The following PERP variants were observed in gnomAD, a reference collection of about 807,000 sequenced individuals.
The protein encoded by PERP is p53 apoptosis effector related to PMP22, also known as p53 apoptosis effector related to PMP-22.
A neutral mutation model predicts 20.3 loss-of-function variants in PERP; 11 were observed. That is an observed-to-expected ratio of 0.54 (90% CI 0.34 to 0.90). PERP has a LOEUF of 0.90. PERP is among the 40% of genes least tolerant of loss of function. PERP has a pLI of 0.02. For synonymous variants in PERP, 101 were observed against 102.0 expected (o/e 0.99, Z 0.06); for missense variants, 224 against 249.4 (o/e 0.90, Z 0.69).
intron 1 of PERP, 122 bp from the exon 2 acceptor site, chr6:138,096,616 C>T: frequency 9.0e-7 from 1 of 1,113,364 alleles, no homozygotes; most frequent in Admixed American, 3.0e-5. Flanking sequence ...GATGGAGGGA[C>T]AGTTTTTCTT....
intron 1 of PERP, among the ~76,000 whole-genome samples, chr6:138,097,461 AT>A (rs1365007490): frequency 2.0e-5 from 3 of 151,926 alleles, no homozygotes; most frequent in African/African-American, 4.8e-5. Context: ...TTCCCAGGTT[AT>A]TTTTTATTTT....
At chr6:138,099,860 T>C (rs979180461) in intron 1 of PERP, among the ~76,000 whole-genome samples, 4 of 152,238 alleles carry the variant, frequency 2.6e-5, no homozygotes, top group African/African-American at 9.6e-5. Context: ...ACTTTTCCCA[T>C]GCTATCTTAA....
Position 138,092,005 on chromosome 6 carries a change from T to C in PERP, c.*37A>G, listed in dbSNP as rs1285740160. On this transcript the variant is annotated 3_prime_UTR_variant, in exon 3 of 3. Transcript: ENST00000421351. Reference sequence around the variant, plus strand: ...ACAGTTTCTTCTTCTGGAGTCCATCTCAGCAGCAGCGATTTTCTCCCACAT... The same window carrying C: ...ACAGTTTCTTCTTCTGGAGTCCATCCCAGCAGCAGCGATTTTCTCCCACAT... 5 of 1,584,878 alleles carry C rather than the reference T, an allele frequency of 3.2e-6. No homozygotes were observed.
intron 2 of PERP, 23 bp downstream of exon 2, chr6:138,096,331 G>A: frequency 6.2e-7 from 1 of 1,612,518 alleles, no homozygotes; most frequent in Non-Finnish European, 8.5e-7. Context: ...CATAAATGAA[G>A]AATTGCTGAC....
At chr6:138,098,986 T>C (rs1775735956) in intron 1 of PERP, among the ~76,000 whole-genome samples, 1 of 152,246 alleles carries the variant, frequency 6.6e-6, no homozygotes, top group African/African-American at 2.4e-5. Flanking sequence ...TCTCTTTTTC[T>C]CACTTTTGCC....
At chr6:138,104,288 A>C (rs1163764101) in intron 1 of PERP, among the ~76,000 whole-genome samples, 2 of 152,212 alleles carry the variant, frequency 1.3e-5, no homozygotes, top group Non-Finnish European at 2.9e-5. Context: ...TGACAAATAT[A>C]AACCATGATT....
chr6:138,106,696 C>T (rs73774637), intron 1 of PERP, among the ~76,000 whole-genome samples: 1,545 of 152,144 alleles, frequency 0.01, 31 homozygotes, highest in African/African-American at 0.035. Context: ...TTGAACGAAT[C>T]CACTGATATT....
At chr6:138,104,310 C>T (rs1462965297) in intron 1 of PERP, among the ~76,000 whole-genome samples, 3 of 152,010 alleles carry the variant, frequency 2.0e-5, no homozygotes, top group African/African-American at 7.3e-5. Flanking sequence ...TTAAAAAATT[C>T]AAATAAGAAT....
chr6:138,090,361 T>C lies in PERP; in HGVS notation c.*1681A>G, dbSNP rs1775558283. The C allele has an allele frequency of 6.6e-6, 1 of 151,664 alleles. No homozygotes were observed. The highest frequency in any genetic ancestry group is 2.4e-5 in the African/African-American group (1 of 41,218). The allele number at this position is 151,664 out of a possible 1,614,324, so 9.4% of individuals were successfully genotyped here. On this transcript the variant is annotated 3_prime_UTR_variant, in exon 3 of 3. Transcript: ENST00000421351. ...TTATGGTGGGAAAAAAAATAACAAA[T>C]GATAAAATGGGAAGGAGGGCAAGGG...
chr6:138,098,248 C>T (rs561372539), intron 1 of PERP, among the ~76,000 whole-genome samples: 136 of 152,262 alleles, frequency 8.9e-4, no homozygotes, highest in African/African-American at 2.6e-3. Context: ...TACTCTGTGA[C>T]GCAGCACAGC....
intron 1 of PERP, among the ~76,000 whole-genome samples, chr6:138,104,024 CCT>C (rs1395349335): frequency 1.3e-5 from 2 of 152,192 alleles, no homozygotes; most frequent in African/African-American, 4.8e-5. Context: ...TCACTGACTC[CCT>C]GTTTCACTCT....
intron 1 of PERP, 143 bp downstream of exon 1, chr6:138,106,984 A>T: frequency 3.0e-6 from 2 of 660,390 alleles, no homozygotes; most frequent in Non-Finnish European, 4.5e-6. Context: ...CGGATGCATG[A>T]GCCCGAGCTC....
intron 2 of PERP, among the ~76,000 whole-genome samples, chr6:138,095,588 C>T (rs930114842): frequency 1.3e-5 from 2 of 152,180 alleles, no homozygotes; most frequent in South Asian, 2.1e-4. Flanking sequence ...CCTGAGGCCT[C>T]GCTTTGCCGC....
chr6:138,105,579 A>C (rs1775829229), intron 1 of PERP, among the ~76,000 whole-genome samples: 1 of 152,246 alleles, frequency 6.6e-6, no homozygotes, highest in African/African-American at 2.4e-5. Context: ...ATGTCCCGTC[A>C]GTAGCACTGA....
intron 1 of PERP, among the ~76,000 whole-genome samples, chr6:138,098,083 TC>T (rs1344195387): frequency 6.6e-6 from 1 of 152,238 alleles, no homozygotes; most frequent in Non-Finnish European, 1.5e-5. Flanking sequence ...AATACTTCAT[TC>T]TTTTTGTGGC....
intron 1 of PERP, among the ~76,000 whole-genome samples, chr6:138,100,670 G>T (rs1319213103): frequency 6.6e-6 from 1 of 152,012 alleles, no homozygotes; most frequent in Non-Finnish European, 1.5e-5. Flanking sequence ...GTAAATAGAT[G>T]CTGCGTTTCT....
chr6:138,096,164 G>A (rs4896313), intron 2 of PERP, among the ~76,000 whole-genome samples, 190 bp downstream of exon 2: 26,451 of 152,124 alleles, frequency 0.17, 3,583 homozygotes, highest in East Asian at 0.69. Flanking sequence ...AGAACACTGC[G>A]TGAGCCACAA....
At chr6:138,106,252 C>T (rs1385899162) in intron 1 of PERP, among the ~76,000 whole-genome samples, 1 of 152,160 alleles carries the variant, frequency 6.6e-6, no homozygotes, top group Admixed American at 6.5e-5. Context: ...CATTGCTAAT[C>T]ACAGTAGACC....
rs750602638 is a variant in PERP at position 138,107,133 on chromosome 6, C to T, written c.208G>A (p.Glu70Lys). 6.2e-7 allele frequency: 1 copy of T among 1,606,948 alleles called. No individual in the cohort carries two copies. Among genetic ancestry groups the T allele is most frequent in the South Asian group, 1.1e-5 (1 of 90,578 alleles). Reference sequence around the variant, plus strand: ...GGCGGCGGCGGGCACTCACCGTACTCCATGAGGCTCTGACAGCCCTCCTCG... The same window carrying T: ...GGCGGCGGCGGGCACTCACCGTACTTCATGAGGCTCTGACAGCCCTCCTCG... ...SYEEGCQSLM[E>K]YAWGRAAAAM... Residue 70 changes from glutamate to lysine, a missense_variant, in exon 1 of 3, where the codon GAG becomes AAG. Glu to Lys is a moderately conservative substitution (Grantham distance 56). Transcript: ENST00000421351. The surrounding 1 kb of genome is among the most constrained non-coding windows in gnomAD (Gnocchi z 4.8).
Sources: gnomAD v4.1 joint callset for allele counts (sites outside exome capture counted in the v4.1 genomes callset) on GRCh38, gnomAD v4.1.1 for gene constraint, Gnocchi (gnomAD v3.1) non-coding constraint, MANE v1.5 for transcripts, NCBI Gene and HGNC (gene_info 2026-07-23, HGNC 2026-07-21) for gene names.